Variants in BTN2A1 observed in about 807,000 individuals in gnomAD.
The protein encoded by BTN2A1 is butyrophilin, subfamily 2, member A1.
In BTN2A1, 41 loss-of-function variants were observed where a neutral mutation model predicts 34.5. The observed-to-expected ratio is 1.19, with a 90% CI of 0.93 to 1.54. The LOEUF is 1.54. Ranked by LOEUF, BTN2A1 falls within the 40% of genes most tolerant of loss-of-function variation. The pLI is 0.00. For missense variants in BTN2A1, 642 were observed against 662.0 expected, an observed-to-expected ratio of 0.97 and a Z score of 0.33; for synonymous variants, 267 against 258.6, an observed-to-expected ratio of 1.03 and a Z score of -0.31.
At chr6:26,463,131 C>A in intron 3 of BTN2A1, 113 bp from the exon 4 acceptor site, 1 of 1,282,472 alleles carries the variant, frequency 7.8e-7, no homozygotes, top group Non-Finnish European at 1.1e-6. Context: ...TTTCTTGTTT[C>A]CTATCTCCCT....
rs377353082 is a variant in BTN2A1, at chr6:26,468,034, C to T, written c.1069C>T (p.His357Tyr). 6.2e-7 allele frequency: 1 copy of T among 1,614,220 alleles called. No homozygotes were observed. The highest frequency in any genetic ancestry group is 8.5e-7 in the Non-Finnish European group (1 of 1,180,038). The change falls in exon 8 of 8, where the codon CAC (histidine) becomes TAC (tyrosine). Residue 357 changes from histidine (H) to tyrosine (Y), a missense_variant. His to Tyr is a moderately conservative substitution (Grantham distance 83). Transcript: ENST00000312541. ...AAGTGTGAGAAGGTGCCCCTTCAGG[C>T]ACCTAGGGGAGAGCGTGCCTGACAA... is the stretch of plus-strand genomic sequence containing the variant. ...RRSVRRCPFR[H>Y]LGESVPDNPE...
intron 4 of BTN2A1, among the ~76,000 whole-genome samples, chr6:26,463,745 GTTT>G (rs1178878360): frequency 5.0e-5 from 7 of 139,326 alleles, no homozygotes; most frequent in Non-Finnish European, 6.0e-5. Context: ...GGGTAAACCT[GTTT>G]TTGTTGTTGT....
downstream of BTN2A1, among the ~76,000 whole-genome samples, chr6:26,471,734 C>T (rs368954704): frequency 1.3e-5 from 2 of 152,080 alleles, no homozygotes; most frequent in African/African-American, 2.4e-5. Context: ...GATGGGGAAA[C>T]GGAGAGACAA....
intron 7 of BTN2A1, chr6:26,476,044 G>A (rs957882347): frequency 3.5e-6 from 4 of 1,155,306 alleles, no homozygotes; most frequent in Non-Finnish European, 5.0e-6. Flanking sequence ...TTTTTTTAGT[G>A]TAGTGATTTC....
chr6:26,466,280 C>A (rs1462775778), intron 7 of BTN2A1, among the ~76,000 whole-genome samples, 192 bp downstream of exon 7: 1 of 152,174 alleles, frequency 6.6e-6, no homozygotes, highest in African/African-American at 2.4e-5. Flanking sequence ...AGCTCTCAAT[C>A]CACCCTATGG....
chr6:26,468,196 G>A lies in BTN2A1; in HGVS notation c.1231G>A (p.Gly411Arg). 1.2e-6 allele frequency: 2 copies of A among 1,614,204 alleles called. No individual in the cohort carries two copies. The highest frequency in any genetic ancestry group is 1.3e-5 in the African/African-American group (1 of 75,048). The stretch of plus-strand genomic sequence containing the variant: ...CTGTAGAGACAGTGTTGAGAGGAAA[G>A]GGGAGGTCCTGCTGATTCCTCAGAA... ...GVCRDSVERKGEVLLIPQNGF... is the reference protein window; with the variant it reads ...GVCRDSVERKREVLLIPQNGF... The change falls in exon 8 of 8, where the codon GGG (glycine) becomes AGG (arginine). Residue 411 changes from glycine to arginine, a missense_variant. Transcript: ENST00000312541.
Position 26,469,342 on chromosome 6 carries a change from A to T in BTN2A1, c.*793A>T. ...GTTCAGTGGGGACACCAGTGGCTTC[A>T]AACTTCCTGGTTTCATGATATCTTG... On this transcript the variant is annotated 3_prime_UTR_variant, in exon 8 of 8. Coordinates refer to ENST00000312541, the MANE Select transcript of BTN2A1 (RefSeq NM_007049.5). 2.0e-6 allele frequency: 2 copies of T among 986,156 alleles called. No individual in the cohort carries two copies. Among genetic ancestry groups the T allele is most frequent in the Non-Finnish European group, 2.4e-6 (2 of 830,490 alleles). The allele number at this position is 986,156 out of a possible 1,614,324, so 61.1% of individuals were successfully genotyped here.
chr6:26,466,181 C>A (rs545820778), intron 7 of BTN2A1, 93 bp downstream of exon 7: 223 of 1,594,088 alleles, frequency 1.4e-4, no homozygotes, highest in African/African-American at 1.2e-3. Context: ...GGGCCCAGGG[C>A]AAGGTGGGGA....
Position 26,468,214 on chromosome 6 carries a change from C to T in BTN2A1, c.1249C>T (p.Pro417Ser), listed in dbSNP as rs1051401007. The T allele has an allele frequency of 4.3e-6, 7 of 1,614,198 alleles. No individual in the cohort carries two copies. In the Admixed American group the frequency reaches 8.3e-5, roughly 19 times the overall value. The change falls in exon 8 of 8, where the codon CCT (proline) becomes TCT (serine). Residue 417 changes from proline (P) to serine (S), a missense_variant. Physicochemically the swap from Pro to Ser is moderately conservative, Grantham distance 74. Coordinates refer to ENST00000312541, the MANE Select transcript of BTN2A1 (RefSeq NM_007049.5). The part of the protein sequence containing the change: ...VERKGEVLLI[P>S]QNGFWTLEMH... ...GAGGAAAGGGGAGGTCCTGCTGATTCCTCAGAATGGCTTCTGGACCTTGGA... is the reference window on the plus strand; with the variant it reads ...GAGGAAAGGGGAGGTCCTGCTGATTTCTCAGAATGGCTTCTGGACCTTGGA...
chr6:26,467,172 A>G (rs888609941), intron 7 of BTN2A1, among the ~76,000 whole-genome samples: 4 of 152,238 alleles, frequency 2.6e-5, no homozygotes, highest in Non-Finnish European at 5.9e-5. Context: ...CCTCCAGGAC[A>G]GTGTGAAGGG....
chr6:26,466,954 T>C (rs3799380), intron 7 of BTN2A1, among the ~76,000 whole-genome samples: 45,741 of 152,156 alleles, frequency 0.3, 9,608 homozygotes, highest in African/African-American at 0.6. Context: ...AGAAGTGATA[T>C]GTGAAGACAT....
At chr6:26,459,427 C>T in intron 2 of BTN2A1, 54 bp from the exon 3 acceptor site, 1 of 1,570,748 alleles carries the variant, frequency 6.4e-7, no homozygotes. Context: ...CCTTTCTTGC[C>T]TTAGAGATGT....
chr6:26,470,424 G>T (rs1253111807), downstream of BTN2A1, among the ~76,000 whole-genome samples: 13 of 144,332 alleles, frequency 9.0e-5, no homozygotes. Flanking sequence ...ATATTTGAGA[G>T]TTGGGATAGA....
rs371634109 is a variant in BTN2A1 at position 26,463,398 on chromosome 6, T to C, written c.585T>C (p.Pro195=). Residue 195 remains proline (P), a synonymous_variant, in exon 4 of 8, where the codon CCT becomes CCC. Coordinates refer to ENST00000312541, the MANE Select transcript of BTN2A1 (RefSeq NM_007049.5). ...VAPALKEVSM[P]DADGLFMVTT... The stretch of plus-strand genomic sequence containing the variant: ...CTGCCCTGAAAGAGGTCTCCATGCC[T>C]GATGCAGACGGCCTCTTCATGGTCA... The C allele has an allele frequency of 9.8e-5, 158 of 1,613,472 alleles. No individual in the cohort carries two copies. Among genetic ancestry groups the C allele is most frequent in the Non-Finnish European group, 1.3e-4 (152 of 1,179,500 alleles).
downstream of BTN2A1, among the ~76,000 whole-genome samples, chr6:26,472,085 A>G (rs1763462366): frequency 6.6e-6 from 1 of 152,192 alleles, no homozygotes; most frequent in African/African-American, 2.4e-5. Context: ...AATGTCATAC[A>G]TGCCCCAGCT....
intron 7 of BTN2A1, 148 bp downstream of exon 7, chr6:26,466,236 A>G: frequency 8.3e-7 from 1 of 1,206,242 alleles, no homozygotes; most frequent in Non-Finnish European, 1.2e-6. Flanking sequence ...CCCAGCAATG[A>G]TGCATCATGT....
chr6:26,465,624 A>C (rs1763291208), intron 5 of BTN2A1, among the ~76,000 whole-genome samples: 1 of 152,186 alleles, frequency 6.6e-6, no homozygotes, highest in African/African-American at 2.4e-5. Context: ...CAGAAGAGAG[A>C]GGAAATGCAC....
rs1174972731 is a variant in BTN2A1 at position 26,468,041 on chromosome 6, G to A, written c.1076G>A (p.Gly359Glu). 7 of 1,614,080 alleles carry A rather than the reference G, an allele frequency of 4.3e-6. No homozygotes were observed. The highest frequency in any genetic ancestry group is 1.1e-5 in the South Asian group (1 of 91,090). Residue 359 changes from glycine to glutamate, a missense_variant, in exon 8 of 8, where the codon GGG becomes GAG. Physicochemically the swap from Gly to Glu is moderately conservative, Grantham distance 98. Coordinates refer to ENST00000312541, the MANE Select transcript of BTN2A1 (RefSeq NM_007049.5). ...SVRRCPFRHL[G>E]ESVPDNPERF... ...AGAAGGTGCCCCTTCAGGCACCTAG[G>A]GGAGAGCGTGCCTGACAACCCAGAG...
At chr6:26,465,918 T>G in intron 5 of BTN2A1, 35 bp from the exon 6 acceptor site, 1 of 1,614,064 alleles carries the variant, frequency 6.2e-7, no homozygotes, top group South Asian at 1.1e-5. Flanking sequence ...TTAGTTCTTC[T>G]GTCAAAGACA....
Sources: gnomAD v4.1 joint callset for allele counts (sites outside exome capture counted in the v4.1 genomes callset) on GRCh38, gnomAD v4.1.1 for gene constraint, MANE v1.5 for transcripts, NCBI Gene and HGNC (gene_info 2026-07-23, HGNC 2026-07-21) for gene names.